The following CYRIA variants were observed in gnomAD, a reference collection of about 807,000 sequenced individuals.
The protein encoded by CYRIA is CYFIP-related Rac1 interactor A.
Under a neutral mutation model 43.9 loss-of-function variants are expected in CYRIA, and 15 were observed. The observed-to-expected ratio is 0.34, with a 90% confidence interval of 0.23 to 0.53. CYRIA has a LOEUF of 0.53. Ranked by LOEUF, CYRIA falls within the 20% of genes least tolerant of loss-of-function variation. CYRIA has a pLI of 0.94. For synonymous variants in CYRIA, 117 were observed against 136.0 expected (o/e 0.86, Z 0.97); for missense variants, 236 against 394.2 (o/e 0.60, Z 3.40).
intron 2 of CYRIA, among the ~76,000 whole-genome samples, chr2:16,616,996 C>T (rs1668818814): frequency 2.0e-5 from 3 of 152,204 alleles, no homozygotes; most frequent in Admixed American, 2.0e-4. Context: ...TACCTGAAGC[C>T]CACTCACATG....
intron 10 of CYRIA, among the ~76,000 whole-genome samples, chr2:16,557,654 C>T (rs62122696): frequency 0.1 from 15,321 of 152,170 alleles, 945 homozygotes; most frequent in African/African-American, 0.17. Flanking sequence ...TGCTTTTGAC[C>T]TCCACGGACA....
In CYRIA at chr2:16,601,528, C is replaced by T. The variant is rs531240785; in HGVS notation, c.-10-13399G>A. 3.3e-5 allele frequency among the ~76,000 whole-genome samples: 5 copies of T among 152,226 alleles called. No homozygotes were observed. In the East Asian group the frequency reaches 9.7e-4, roughly 29 times the overall value. On this transcript the variant is annotated intron_variant, in intron 2 of 11. Coordinates refer to ENST00000381323, the MANE Select transcript of CYRIA (RefSeq NM_030797.4). Reference sequence around the variant, plus strand: ...AATGCCTCTAAAGCCTGCCTGCACGCCCTTGCCAAGGGAGGCACTCATCTT... The same window carrying T: ...AATGCCTCTAAAGCCTGCCTGCACGTCCTTGCCAAGGGAGGCACTCATCTT...
chr2:16,635,469 G>A (rs1669467812), intron 1 of CYRIA, among the ~76,000 whole-genome samples: 2 of 152,034 alleles, frequency 1.3e-5, no homozygotes, highest in African/African-American at 4.8e-5. Flanking sequence ...CATGGTACCG[G>A]GCACACCATA....
At position 16,549,894 on chromosome 2, in the gene CYRIA, C is replaced by T. The variant is rs1353598707; in HGVS notation, c.*3042G>A. On this transcript the variant is annotated 3_prime_UTR_variant, in exon 12 of 12. Transcript: ENST00000381323. ...TAACTAGGAGCAAATGTTGATCAAG[C>T]ATGATGTTAACTAGTAGTTAAAAGG... 1 of 151,758 alleles carries T rather than the reference C, an allele frequency of 6.6e-6. No individual in the cohort carries two copies. Among genetic ancestry groups the T allele is most frequent in the African/African-American group, 2.4e-5 (1 of 41,332 alleles). 9.4% of individuals were successfully genotyped at this position (151,758 alleles called of 1,614,324 possible).
intron 1 of CYRIA, among the ~76,000 whole-genome samples, chr2:16,636,465 T>C (rs1005144196): frequency 1.3e-5 from 2 of 152,116 alleles, no homozygotes; most frequent in Non-Finnish European, 2.9e-5. Flanking sequence ...CCTGGGCAAC[T>C]CTCTGCCCAG....
chr2:16,578,575 T>C (rs184761115), intron 3 of CYRIA, among the ~76,000 whole-genome samples: 2 of 152,310 alleles, frequency 1.3e-5, no homozygotes, highest in African/African-American at 4.8e-5. Context: ...AAGTAATTGC[T>C]GTTTTTGCCA....
At chr2:16,573,080 T>G (rs1667200185) in intron 3 of CYRIA, among the ~76,000 whole-genome samples, 1 of 152,236 alleles carries the variant, frequency 6.6e-6, no homozygotes. Context: ...TACTGCCGTT[T>G]CTGCCCGAGG....
intron 2 of CYRIA, among the ~76,000 whole-genome samples, chr2:16,610,897 C>CATATATATGTATATAT (rs1668569427): frequency 3.2e-5 from 3 of 92,556 alleles, no homozygotes; most frequent in African/African-American, 1.1e-4. Flanking sequence ...TTAGTCCCAA[C>CATATATATGTATATAT]ATATATATAT....
intron 5 of CYRIA, among the ~76,000 whole-genome samples, chr2:16,562,697 A>G (rs1317161654): frequency 5.9e-5 from 9 of 152,158 alleles, no homozygotes. Context: ...AGTCCCTTAT[A>G]GCTTGTTCTT....
Position 16,588,059 on chromosome 2 carries a change from C to A in CYRIA, c.61G>T (p.Asp21Tyr). The A allele has an allele frequency of 1.2e-6, 2 of 1,604,322 alleles. No homozygotes were observed. Among genetic ancestry groups the A allele is most frequent in the South Asian group, 2.2e-5 (2 of 88,982 alleles). ...EIENYPHFFLDFENAQPTEGE... is the reference protein window; with the variant it reads ...EIENYPHFFLYFENAQPTEGE... ...AATTTTTGGAACTTACTTTCAAAATCCAGGAAAAAGTGTGGATAGTTTTCA... is the reference window on the plus strand; with the variant it reads ...AATTTTTGGAACTTACTTTCAAAATACAGGAAAAAGTGTGGATAGTTTTCA... The change falls in exon 3 of 12, where the codon GAT (aspartate) becomes TAT (tyrosine). Residue 21 changes from aspartate (D) to tyrosine (Y), a missense_variant. Physicochemically the swap from Asp to Tyr is radical, Grantham distance 160. Coordinates refer to ENST00000381323, the MANE Select transcript of CYRIA (RefSeq NM_030797.4).
At chr2:16,575,726 G>C (rs1012175906) in intron 3 of CYRIA, among the ~76,000 whole-genome samples, 1 of 152,018 alleles carries the variant, frequency 6.6e-6, no homozygotes, top group Admixed American at 6.5e-5. Context: ...CGTGATGGCG[G>C]GCGCCTGTAG....
rs571292496 is a variant in CYRIA, at chr2:16,604,869, G to A, written c.-10-16740C>T. ...ATGTATTGCCAAGAATCCAACAGAC[G>A]ATTTCATTCCGAGATGAAGGAAGAA... On this transcript the variant is annotated intron_variant, in intron 2 of 11. Coordinates refer to ENST00000381323, the MANE Select transcript of CYRIA (RefSeq NM_030797.4). Among the ~76,000 whole-genome samples, 17 of 152,304 alleles carry A rather than the reference G, an allele frequency of 1.1e-4. No individual in the cohort carries two copies. The South Asian group carries it at 2.5e-3, about 22-fold the overall frequency.
chr2:16,656,538 G>A (rs985742809), intron 1 of CYRIA, among the ~76,000 whole-genome samples: 2 of 152,164 alleles, frequency 1.3e-5, no homozygotes, highest in Non-Finnish European at 2.9e-5. Context: ...TCACTCCTCC[G>A]TGGTGGAAGC....
intron 2 of CYRIA, among the ~76,000 whole-genome samples, chr2:16,602,584 G>C (rs1668249944): frequency 6.6e-6 from 1 of 152,108 alleles, no homozygotes; most frequent in African/African-American, 2.4e-5. Context: ...AGGTCCTCCA[G>C]ATGGGTCCTG....
chr2:16,647,195 T>G (rs1669845568), intron 1 of CYRIA, among the ~76,000 whole-genome samples: 1 of 152,242 alleles, frequency 6.6e-6, no homozygotes, highest in Non-Finnish European at 1.5e-5. Context: ...TGGTACAATC[T>G]TCCTTCCAAA....
At chr2:16,593,759 G>T (rs75221552) in intron 2 of CYRIA, among the ~76,000 whole-genome samples, 1 of 122,862 alleles carries the variant, frequency 8.1e-6, no homozygotes, top group East Asian at 2.3e-4. Flanking sequence ...AAGTTTTAGG[G>T]TACATGTGCA....
intron 1 of CYRIA, among the ~76,000 whole-genome samples, chr2:16,644,647 C>T (rs915768867): frequency 5.9e-5 from 9 of 152,152 alleles, no homozygotes; most frequent in African/African-American, 7.2e-5. Flanking sequence ...TTGGGGCTTC[C>T]GGGCTCTGAT....
chr2:16,570,497 C>G (rs1667091340), intron 3 of CYRIA, among the ~76,000 whole-genome samples: 1 of 152,100 alleles, frequency 6.6e-6, no homozygotes, highest in South Asian at 2.1e-4. Flanking sequence ...CTGGAAAATC[C>G]CTTTGAGAGG....
chr2:16,554,622 G>C (rs1248921249), intron 11 of CYRIA, among the ~76,000 whole-genome samples: 1 of 152,166 alleles, frequency 6.6e-6, no homozygotes, highest in Non-Finnish European at 1.5e-5. Context: ...TTGGTCTTGA[G>C]TCACATGCAG....
Sources: gnomAD v4.1 joint callset for allele counts (sites outside exome capture counted in the v4.1 genomes callset) on GRCh38, gnomAD v4.1.1 for gene constraint, MANE v1.5 for transcripts, NCBI Gene and HGNC (gene_info 2026-07-23, HGNC 2026-07-21) for gene names.